Variants in CHN2 observed in about 807,000 individuals in gnomAD.
CHN2 encodes beta-chimaerin.
CHN2 carries 35 observed loss-of-function variants against 56.3 expected under a neutral mutation model. The ratio of observed to expected loss-of-function variants is 0.62; its 90% confidence interval spans 0.47 to 0.82. The LOEUF (loss-of-function observed/expected upper bound fraction) is 0.82. CHN2 is among the 40% of genes least tolerant of loss of function. The pLI is 0.00. For missense variants in CHN2, 491 were observed against 580.5 expected (o/e 0.85, Z 1.58); for synonymous variants, 210 against 212.8 (o/e 0.99, Z 0.12).
intron 1 of CHN2, among the ~76,000 whole-genome samples, chr7:29,268,506 C>A (rs573630302): frequency 4.2e-5 from 6 of 144,430 alleles, no homozygotes; most frequent in Non-Finnish European, 8.8e-5. Flanking sequence ...ACGGATGCTT[C>A]TGCACCAATT....
intron 3 of CHN2, among the ~76,000 whole-genome samples, chr7:29,374,890 TTTC>T (rs1264677517): frequency 6.7e-6 from 1 of 149,448 alleles, no homozygotes; most frequent in East Asian, 2.1e-4. Flanking sequence ...CCTTTCTCTC[TTTC>T]TTTTTTTTTT....
chr7:29,382,959 T>C (rs1800633651), intron 3 of CHN2, among the ~76,000 whole-genome samples: 1 of 152,072 alleles, frequency 6.6e-6, no homozygotes, highest in Non-Finnish European at 1.5e-5. Context: ...GAGGATGTCG[T>C]GGGGCAAGAG....
At chr7:29,489,231 A>T (rs1788385117) in intron 7 of CHN2, among the ~76,000 whole-genome samples, 1 of 152,074 alleles carries the variant, frequency 6.6e-6, no homozygotes. Context: ...GTGTAATATC[A>T]TCTTTTTTGT....
At chr7:29,312,545 C>T (rs1247799168) in intron 1 of CHN2, among the ~76,000 whole-genome samples, 2 of 152,068 alleles carry the variant, frequency 1.3e-5, no homozygotes, top group Non-Finnish European at 2.9e-5. Context: ...CTCACAATGT[C>T]GATGTGGTTT....
chr7:29,398,423 T>A lies in CHN2; in HGVS notation c.227T>A (p.Val76Glu). ...REQADELLGG[V>E]EGAYILRESQ... ...CAGGCGGATGAGCTTCTTGGAGGCG[T>A]GGAGGGTGCCTACATCCTTAGAGAA... The change falls in exon 5 of 13, where the codon GTG (valine) becomes GAG (glutamate). Residue 76 changes from valine (V) to glutamate (E), a missense_variant. By Grantham distance (121) the Val-to-Glu change is moderately radical. Transcript: ENST00000222792. The A allele has an allele frequency of 1.2e-6, 2 of 1,613,710 alleles. No individual in the cohort carries two copies. Among genetic ancestry groups the A allele is most frequent in the Non-Finnish European group, 1.7e-6 (2 of 1,180,010 alleles).
intron 2 of CHN2, among the ~76,000 whole-genome samples, chr7:29,361,337 C>G (rs1016186876): frequency 4.6e-5 from 7 of 152,076 alleles, no homozygotes; most frequent in African/African-American, 1.4e-4. Flanking sequence ...GAGATTGGGC[C>G]TTATTTTTAT....
intron 1 of CHN2, among the ~76,000 whole-genome samples, chr7:29,341,248 TAGTCCGTCC>T (rs891176969): frequency 2.0e-4 from 28 of 140,962 alleles, no homozygotes; most frequent in Middle Eastern, 7.6e-3. Context: ...AGCCCTCTGA[TAGTCCGTCC>T]AGTTCCACTG....
At chr7:29,468,494 G>A (rs1312669673) in intron 6 of CHN2, among the ~76,000 whole-genome samples, 3 of 152,094 alleles carry the variant, frequency 2.0e-5, no homozygotes, top group Non-Finnish European at 4.4e-5. Flanking sequence ...ATTATGTGGG[G>A]TGTGGTTTTA....
At chr7:29,468,134 G>A (rs1285177000) in intron 6 of CHN2, among the ~76,000 whole-genome samples, 4 of 82,808 alleles carry the variant, frequency 4.8e-5, no homozygotes, top group Non-Finnish European at 7.8e-5. Flanking sequence ...GAAACCAAAC[G>A]GACCCGCCCC....
chr7:29,325,821 G>T (rs1484196995), intron 1 of CHN2, among the ~76,000 whole-genome samples: 1 of 152,180 alleles, frequency 6.6e-6, no homozygotes, highest in African/African-American at 2.4e-5. Context: ...TAGGGGAAAT[G>T]CTCCATCTTG....
chr7:29,483,192 C>G (rs1787534552), intron 7 of CHN2, among the ~76,000 whole-genome samples: 1 of 152,100 alleles, frequency 6.6e-6, no homozygotes, highest in South Asian at 2.1e-4. Context: ...TACCCCATAA[C>G]AAGATTGTTT....
chr7:29,452,114 G>A (rs748424000), intron 6 of CHN2, among the ~76,000 whole-genome samples: 21 of 152,240 alleles, frequency 1.4e-4, no homozygotes, highest in Non-Finnish European at 2.2e-4. Flanking sequence ...ATTTTCAAAA[G>A]AGAACATGCA....
intron 1 of CHN2, among the ~76,000 whole-genome samples, chr7:29,274,754 A>G (rs960983160): frequency 6.6e-6 from 1 of 152,250 alleles, no homozygotes; most frequent in Admixed American, 6.5e-5. Flanking sequence ...ACACAGGAAT[A>G]TCATTTTTAA....
At chr7:29,295,314 A>AACACACACACAC (rs58693628) in intron 1 of CHN2, among the ~76,000 whole-genome samples, 21,713 of 144,760 alleles carry the variant, frequency 0.15, 1,653 homozygotes, top group South Asian at 0.17. Context: ...TTTAGCTGTG[A>AACACACACACAC]ACACACACAC....
At chr7:29,477,333 A>G (rs145795161) in intron 6 of CHN2, among the ~76,000 whole-genome samples, 23 of 151,086 alleles carry the variant, frequency 1.5e-4, no homozygotes, top group African/African-American at 4.6e-4. Flanking sequence ...TCACAAATGG[A>G]AATAAAAATT....
chr7:29,315,880 A>G (rs1397806923), intron 1 of CHN2, among the ~76,000 whole-genome samples: 7 of 152,240 alleles, frequency 4.6e-5, no homozygotes, highest in South Asian at 4.1e-4. Flanking sequence ...ATCATGGTGT[A>G]TGCTGAAATT....
rs869037854 is a variant in CHN2, at chr7:29,195,629, A to AGAGAGAGTGTGT, written c.49+640_49+641insAGAGAGTGTGTG. Among the ~76,000 whole-genome samples the AGAGAGAGTGTGT allele has an allele frequency of 4.8e-3, 559 of 117,468 alleles. 2 individuals are homozygous for AGAGAGAGTGTGT. Among genetic ancestry groups the AGAGAGAGTGTGT allele is most frequent in the Admixed American group, 8.3e-3 (88 of 10,656 alleles). 77.1% of individuals were successfully genotyped at this position (117,468 alleles called of 152,430 possible). ...GAGAGAGAGAGAGAGAGAGAGAGAG[A>AGAGAGAGTGTGT]GTGTGTGTGTGTGTGTGTGTGAGAG... On this transcript the variant is annotated intron_variant, in intron 1 of 12. Transcript: ENST00000222792.
intron 1 of CHN2, among the ~76,000 whole-genome samples, chr7:29,278,261 G>A (rs1382205586): frequency 1.3e-5 from 2 of 152,178 alleles, no homozygotes; most frequent in African/African-American, 4.8e-5. Context: ...GATCTGAGGT[G>A]CAGCCTGGGT....
At chr7:29,212,687 A>T in intron 1 of CHN2, 1 of 1,538,918 alleles carries the variant, frequency 6.5e-7, no homozygotes, top group Non-Finnish European at 9.0e-7. Context: ...AGAACTCTCC[A>T]ATATCTGGAA....
Sources: gnomAD v4.1 joint callset for allele counts (sites outside exome capture counted in the v4.1 genomes callset) on GRCh38, gnomAD v4.1.1 for gene constraint, MANE v1.5 for transcripts, NCBI Gene and HGNC (gene_info 2026-07-23, HGNC 2026-07-21) for gene names.